HCRTR2: variants seen among roughly 807,000 people sequenced by gnomAD.
HCRTR2 encodes the protein hypocretin receptor 2.
HCRTR2 carries 22 observed loss-of-function variants against 49.0 expected under a neutral mutation model. That is an observed-to-expected ratio of 0.45 (90% CI 0.32 to 0.64). The LOEUF (loss-of-function observed/expected upper bound fraction) is 0.64. Among genes scored for constraint, HCRTR2 ranks in the 30% least tolerant of loss-of-function variants. The pLI, the probability that HCRTR2 is intolerant of heterozygous loss-of-function variation, is 0.04. For synonymous variants in HCRTR2, 236 were observed against 205.3 expected (o/e 1.15, Z -1.28); for missense variants, 491 against 559.4 (o/e 0.88, Z 1.23).
chr6:55,134,454 T>TTGTG (rs979546193), intron 1 of HCRTR2, among the ~76,000 whole-genome samples: 1 of 150,416 alleles, frequency 6.6e-6, no homozygotes, highest in Non-Finnish European at 1.5e-5. Context: ...TAGGTACCAT[T>TTGTG]TGTGTGTGTG....
At chr6:55,192,774 A>G (rs1392004788) in intron 1 of HCRTR2, among the ~76,000 whole-genome samples, 1 of 152,176 alleles carries the variant, frequency 6.6e-6, no homozygotes, top group Non-Finnish European at 1.5e-5. Flanking sequence ...TACATACTCA[A>G]TCTACGTAAC....
rs186371351 is a variant in HCRTR2 at position 55,195,837 on chromosome 6, G to A, written c.223+21027G>A. ...CAAAAAATTAGCCGGGTGTGGTGGT[G>A]GGTGCCTGTAGTCCCAGCTACTGGG... is the stretch of plus-strand genomic sequence containing the variant. On this transcript the variant is annotated intron_variant, in intron 1 of 6. Coordinates refer to ENST00000370862, the MANE Select transcript of HCRTR2 (RefSeq NM_001384272.1). Among the ~76,000 whole-genome samples the A allele has an allele frequency of 5.5e-4, 83 of 152,068 alleles. No homozygotes were observed. In the South Asian group the frequency reaches 6.1e-3, roughly 11 times the overall value.
At chr6:55,163,257 AC>A (rs61119406) in intron 1 of HCRTR2, among the ~76,000 whole-genome samples, 47 of 69,248 alleles carry the variant, frequency 6.8e-4, no homozygotes, top group Admixed American at 1.0e-3. Context: ...CAAACAAACA[AC>A]AAAAAAAAAA....
Position 55,282,323 on chromosome 6 carries a change from G to A in HCRTR2, c.1204G>A (p.Glu402Lys). ...DRLTRGRTSTESRKSLTTQIS... is the reference protein window; with the variant it reads ...DRLTRGRTSTKSRKSLTTQIS... ...GCTCACCAGGGGACGAACTAGCACA[G>A]AGAGCCGGAAGTCCTTGACCACTCA... The change falls in exon 7 of 7, where the codon GAG becomes AAG. Residue 402 changes from glutamate to lysine, a missense_variant. Transcript: ENST00000370862. 1 of 1,613,854 alleles carries A rather than the reference G, an allele frequency of 6.2e-7. No individual in the cohort carries two copies. The highest frequency in any genetic ancestry group is 8.5e-7 in the Non-Finnish European group (1 of 1,179,880).
chr6:55,220,821 C>G (rs1765876274), intron 1 of HCRTR2, among the ~76,000 whole-genome samples: 3 of 152,074 alleles, frequency 2.0e-5, no homozygotes, highest in African/African-American at 7.2e-5. Flanking sequence ...AAAAATCACA[C>G]AAGGAAACTG....
chr6:55,236,554 C>T (rs1227315049), intron 1 of HCRTR2, among the ~76,000 whole-genome samples: 1 of 152,010 alleles, frequency 6.6e-6, no homozygotes, highest in Non-Finnish European at 1.5e-5. Context: ...CAGCACAATG[C>T]TAAATAGAAA....
intron 1 of HCRTR2, among the ~76,000 whole-genome samples, chr6:55,203,957 C>A (rs1765555865): frequency 6.6e-6 from 1 of 151,844 alleles, no homozygotes; most frequent in Admixed American, 6.6e-5. Context: ...TTATATTTAA[C>A]AGGACTACTC....
intron 1 of HCRTR2, among the ~76,000 whole-genome samples, chr6:55,114,280 A>G (rs928846446): frequency 9.2e-6 from 1 of 108,162 alleles, no homozygotes; most frequent in African/African-American, 3.6e-5. Context: ...AAATGAAAAA[A>G]TAAAATATAT....
intron 1 of HCRTR2, among the ~76,000 whole-genome samples, chr6:55,153,598 G>A (rs1235974587): frequency 6.6e-6 from 1 of 151,938 alleles, no homozygotes; most frequent in Non-Finnish European, 1.5e-5. Context: ...ATAGTATCAT[G>A]CTGTTTTGAT....
Position 55,248,832 on chromosome 6 carries a change from T to G in HCRTR2, c.402+15T>G, listed in dbSNP as rs199794926. On this transcript the variant is annotated intron_variant, in intron 2 of 6. Coordinates refer to ENST00000370862, the MANE Select transcript of HCRTR2 (RefSeq NM_001384272.1). ...CTTATCTACAGGTAATTGTTTTTAA[T>G]GCTTTTTTGAAGCTACTAAAAAGAA... 4.3e-6 allele frequency: 7 copies of G among 1,609,298 alleles called. No homozygotes were observed. In the South Asian group the frequency reaches 7.7e-5, roughly 18 times the overall value.
At chr6:55,221,382 A>G (rs1218694116) in intron 1 of HCRTR2, among the ~76,000 whole-genome samples, 1 of 152,220 alleles carries the variant, frequency 6.6e-6, no homozygotes, top group East Asian at 1.9e-4. Flanking sequence ...CCACACATAC[A>G]TTGTAAAATA....
intron 1 of HCRTR2, among the ~76,000 whole-genome samples, chr6:55,201,457 A>T (rs1467978251): frequency 6.6e-6 from 1 of 152,138 alleles, no homozygotes; most frequent in African/African-American, 2.4e-5. Context: ...CACTTCAAAA[A>T]CACATTTTTG....
At chr6:55,258,471 T>A (rs1766694246) in intron 3 of HCRTR2, among the ~76,000 whole-genome samples, 1 of 152,140 alleles carries the variant, frequency 6.6e-6, no homozygotes, top group Non-Finnish European at 1.5e-5. Flanking sequence ...ACCAGCAATA[T>A]GTAATTATAT....
intron 1 of HCRTR2, among the ~76,000 whole-genome samples, chr6:55,161,543 G>A (rs536278775): frequency 8.5e-5 from 13 of 152,196 alleles, no homozygotes; most frequent in African/African-American, 2.6e-4. Context: ...GAATCCAAGA[G>A]CTGTTTTTTT....
chr6:55,151,910 T>C (rs1166490724), intron 1 of HCRTR2, among the ~76,000 whole-genome samples: 1 of 151,938 alleles, frequency 6.6e-6, no homozygotes, highest in Non-Finnish European at 1.5e-5. Context: ...GTCAGACCAC[T>C]TGGGTAGCCA....
intron 1 of HCRTR2, among the ~76,000 whole-genome samples, chr6:55,206,065 T>C (rs1459738338): frequency 2.6e-5 from 4 of 151,866 alleles, no homozygotes; most frequent in Non-Finnish European, 5.9e-5. Flanking sequence ...GTTGAAATCA[T>C]TCATTTTTTG....
At chr6:55,208,698 T>A (rs1765647570) in intron 1 of HCRTR2, among the ~76,000 whole-genome samples, 1 of 152,190 alleles carries the variant, frequency 6.6e-6, no homozygotes, top group Non-Finnish European at 1.5e-5. Context: ...CTGGTGTCAG[T>A]CTTCCCATTT....
At chr6:55,129,788 CAT>C (rs1178077335) in intron 1 of HCRTR2, among the ~76,000 whole-genome samples, 1 of 151,958 alleles carries the variant, frequency 6.6e-6, no homozygotes, top group Non-Finnish European at 1.5e-5. Context: ...AATCTGATCA[CAT>C]GTCTTCTCAG....
chr6:55,200,235 TTGTGTGTGTGTG>T lies in HCRTR2; in HGVS notation c.223+25457_223+25468del, dbSNP rs34710192. Among the ~76,000 whole-genome samples the T allele has an allele frequency of 7.0e-3, 953 of 135,382 alleles. 16 individuals are homozygous for T. The highest frequency in any genetic ancestry group is 0.024 in the African/African-American group (853 of 36,064). 88.8% of individuals were successfully genotyped at this position (135,382 alleles called of 152,430 possible). A position where few individuals can be genotyped will look rare whatever the true frequency, so the allele number is the denominator to read the frequency against. ...TATGTTTTTGTACTTGTTTGCTGTC[TTGTGTGTGTGTG>T]TGTGTGTGTGTGTGTGTGTGTGTGT... is the stretch of plus-strand genomic sequence containing the variant. On this transcript the variant is annotated intron_variant, in intron 1 of 6. Coordinates refer to ENST00000370862, the MANE Select transcript of HCRTR2 (RefSeq NM_001384272.1).
Sources: allele counts gnomAD v4.1 joint callset (sites outside exome capture counted in the v4.1 genomes callset), GRCh38; gene constraint gnomAD v4.1.1; transcripts MANE v1.5; gene names NCBI Gene and HGNC (gene_info 2026-07-23, HGNC 2026-07-21).